SLC39A6: variants seen among roughly 807,000 people sequenced by gnomAD.
SLC39A6 encodes solute carrier family 39 member 6.
Under a neutral mutation model 63.5 loss-of-function variants are expected in SLC39A6, and 51 were observed. The ratio of observed to expected loss-of-function variants is 0.80; its 90% CI spans 0.64 to 1.01. The LOEUF (loss-of-function observed/expected upper bound fraction) is 1.01. SLC39A6 is among the 50% of genes least tolerant of loss of function. The probability of loss-of-function intolerance (pLI) is 0.00; values close to 1 mark genes in which losing one functional copy is unlikely to be tolerated. For missense variants in SLC39A6, 805 were observed against 927.8 expected (o/e 0.87, Z 1.72); for synonymous variants, 318 against 324.7 (o/e 0.98, Z 0.22).
In SLC39A6 at chr18:36,110,365, C is replaced by T. The variant is rs1369866380; in HGVS notation, c.2116-620G>A. On this transcript the variant is annotated intron_variant, in intron 9 of 9. Coordinates refer to ENST00000269187, the MANE Select transcript of SLC39A6 (RefSeq NM_012319.4). ...ACTGAGATCATACCCTAAAATGATA[C>T]ATCAGAAGGATGTAGATATTTTTGT... Among the ~76,000 whole-genome samples, 8 of 145,516 alleles carry T rather than the reference C, an allele frequency of 5.5e-5. 1 individual carries two copies. In the South Asian group the frequency reaches 1.3e-3, roughly 24 times the overall value.
intron 8 of SLC39A6, 111 bp from the exon 9 acceptor site, chr18:36,111,360 G>C: frequency 3.0e-6 from 3 of 996,264 alleles, no homozygotes; most frequent in Non-Finnish European, 4.4e-6. Context: ...TTGAGAGGGG[G>C]AAAAGAAAAC....
intron 5 of SLC39A6, among the ~76,000 whole-genome samples, chr18:36,118,776 G>A (rs1041215176): frequency 3.9e-5 from 6 of 152,150 alleles, no homozygotes; most frequent in Non-Finnish European, 8.8e-5. Flanking sequence ...ATCACTGCCC[G>A]CTCTGTGAAA....
At position 36,126,659 on chromosome 18, in the gene SLC39A6, G is replaced by A. The variant is rs760196485; in HGVS notation, c.349C>T (p.His117Tyr). ...TCAGAGTGATGCTCGTGCTCTGAGT[G>A]ATGCTCATGGTCTGAGTGACGCTCA... is the stretch of plus-strand genomic sequence containing the variant. Reference protein sequence around the residue: ...DHERHSDHEHHSEHEHHSDHD... With the variant: ...DHERHSDHEHYSEHEHHSDHD... The change falls in exon 2 of 10, where the codon CAC becomes TAC. Residue 117 changes from histidine (H) to tyrosine (Y), a missense_variant. By Grantham distance (83) the His-to-Tyr change is moderately conservative. Transcript: ENST00000269187. 2 of 1,597,526 alleles carry A rather than the reference G, an allele frequency of 1.3e-6. No individual in the cohort carries two copies. The highest frequency in any genetic ancestry group is 1.1e-5 in the South Asian group (1 of 88,948).
chr18:36,124,763 C>T (rs1280914304), intron 2 of SLC39A6, 63 bp from the exon 3 acceptor site: 20 of 1,225,088 alleles, frequency 1.6e-5, no homozygotes, highest in East Asian at 2.5e-5. Context: ...TCTGATGACA[C>T]AATACCCTTT....
rs2298714 is a variant in SLC39A6, at chr18:36,123,054, A to G, written c.1140+441T>C. Among the ~76,000 whole-genome samples, 537 of 152,394 alleles carry G rather than the reference A, an allele frequency of 3.5e-3. 19 individuals are homozygous for G. The East Asian group carries it at 0.078, about 22-fold the overall frequency. The stretch of plus-strand genomic sequence containing the variant: ...TCTGATGGAAAAGTAAATTCACTTT[A>G]CCAAACTTGTTTTATGTGTCATGAA... On this transcript the variant is annotated intron_variant, in intron 4 of 9. Transcript: ENST00000269187.
rs763410859 is a variant in SLC39A6, at chr18:36,111,253, T to A, written c.1925-4A>T. 37 of 1,610,826 alleles carry A rather than the reference T, an allele frequency of 2.3e-5. No homozygotes were observed. The Admixed American group carries it at 6.2e-4, about 27-fold the overall frequency. ...TTTAGTAGAACAGCAAAGTCACCTT[T>A]AACAGAAAACAAAAAAGGAGGAAAA... On this transcript the variant is annotated splice_polypyrimidine_tract_variant and splice_region_variant and intron_variant, in intron 8 of 9. Coordinates refer to ENST00000269187, the MANE Select transcript of SLC39A6 (RefSeq NM_012319.4).
At chr18:36,112,827 T>G (rs28408457) in intron 7 of SLC39A6, among the ~76,000 whole-genome samples, 2,027 of 152,260 alleles carry the variant, frequency 0.013, 41 homozygotes, top group African/African-American at 0.047. Context: ...AATGAGCGGA[T>G]AAAGTTATAC....
rs371700086 is a variant in SLC39A6 at position 36,116,675 on chromosome 18, A to G, written c.1464T>C (p.Asp488=). Residue 488 remains aspartate (D), a splice_region_variant and synonymous_variant, in exon 6 of 10, where the codon GAT becomes GAC. Coordinates refer to ENST00000269187, the MANE Select transcript of SLC39A6 (RefSeq NM_012319.4). ...TAAAATTTATGCATAAGAACTTACG[A>G]TCATCTGTATCTACTTTCTCCTCAT... ...STNEEKVDTD[D]RTEGYLRADS... 1.5e-5 allele frequency: 24 copies of G among 1,601,382 alleles called. No homozygotes were observed. Among genetic ancestry groups the G allele is most frequent in the Non-Finnish European group, 2.0e-5 (23 of 1,169,066 alleles).
intron 7 of SLC39A6, among the ~76,000 whole-genome samples, chr18:36,113,261 AT>A (rs79594211): frequency 4.1e-3 from 602 of 145,452 alleles, no homozygotes; most frequent in Middle Eastern, 0.014. Flanking sequence ...TACCTGGCTA[AT>A]TTTTTTTTTT....
chr18:36,114,057 T>G, intron 7 of SLC39A6, 40 bp downstream of exon 7: 1 of 1,526,760 alleles, frequency 6.5e-7, no homozygotes, highest in South Asian at 1.3e-5. Context: ...TGTGACATTT[T>G]CAGAATCAAT....
At chr18:36,123,716 C>T (rs2089412892) in intron 3 of SLC39A6, 52 bp from the exon 4 acceptor site, 1 of 1,528,630 alleles carries the variant, frequency 6.5e-7, no homozygotes, top group Non-Finnish European at 8.8e-7. Context: ...CTAATAAACT[C>T]TACAAGAAAG....
intron 5 of SLC39A6, 105 bp downstream of exon 5, chr18:36,121,947 A>G: frequency 1.2e-6 from 1 of 801,142 alleles, no homozygotes; most frequent in Non-Finnish European, 1.9e-6. Context: ...CTCCCTCTCA[A>G]ATAAAGCTCA....
intron 7 of SLC39A6, among the ~76,000 whole-genome samples, chr18:36,113,733 A>G (rs2089320695): frequency 6.6e-6 from 1 of 152,236 alleles, no homozygotes; most frequent in South Asian, 2.1e-4. Flanking sequence ...GATGGAAAAT[A>G]TAATTTTACT....
intron 5 of SLC39A6, among the ~76,000 whole-genome samples, chr18:36,120,821 G>A (rs748021748): frequency 2.0e-5 from 3 of 152,110 alleles, no homozygotes; most frequent in Non-Finnish European, 4.4e-5. Context: ...GAACACAAAA[G>A]CTGAATACTT....
chr18:36,128,786 A>T (rs1224164480), intron 1 of SLC39A6, among the ~76,000 whole-genome samples: 1 of 152,164 alleles, frequency 6.6e-6, no homozygotes, highest in Non-Finnish European at 1.5e-5. Context: ...AGTACAGAAA[A>T]CGGAAAAGAG....
chr18:36,115,802 A>G (rs994787084), intron 6 of SLC39A6, among the ~76,000 whole-genome samples: 1 of 152,112 alleles, frequency 6.6e-6, no homozygotes, highest in Non-Finnish European at 1.5e-5. Context: ...GAAAACATGA[A>G]TCTTAACTCA....
rs747594397 is a variant in SLC39A6, at chr18:36,124,693, T to C, written c.797A>G (p.Asn266Ser). ...ATGAGATGTCAGTAGCTTTGATGCA[T>C]TGAAACACTGAAAGAAACAAAGCAG... ...NTNENPQECF[N>S]ASKLLTSHGM... Residue 266 changes from asparagine to serine, a missense_variant, in exon 3 of 10, where the codon AAT becomes AGT. Physicochemically the swap from Asn to Ser is conservative, Grantham distance 46 (BLOSUM62 1). Coordinates refer to ENST00000269187, the MANE Select transcript of SLC39A6 (RefSeq NM_012319.4). The C allele has an allele frequency of 2.3e-5, 35 of 1,539,302 alleles. No individual in the cohort carries two copies. The highest frequency in any genetic ancestry group is 1.0e-4 in the Admixed American group (6 of 59,006).
At chr18:36,127,349 G>A (rs1469642756) in intron 1 of SLC39A6, among the ~76,000 whole-genome samples, 1 of 152,166 alleles carries the variant, frequency 6.6e-6, no homozygotes, top group Non-Finnish European at 1.5e-5. Flanking sequence ...TTATTTGAAC[G>A]ATTATTTGAA....
intron 2 of SLC39A6, 70 bp from the exon 3 acceptor site, chr18:36,124,770 C>CT (rs1351035656): frequency 1.7e-4 from 195 of 1,169,176 alleles, no homozygotes; most frequent in Non-Finnish European, 2.2e-4. Flanking sequence ...ACACAATACC[C>CT]TTTTTTACTA....
Sources: gnomAD v4.1 joint callset for allele counts (sites outside exome capture counted in the v4.1 genomes callset) on GRCh38, gnomAD v4.1.1 for gene constraint, MANE v1.5 for transcripts, NCBI Gene and HGNC (gene_info 2026-07-23, HGNC 2026-07-21) for gene names.